Variants in CDT1 observed in about 807,000 individuals in gnomAD.
CDT1 encodes DNA replication factor Cdt1.
CDT1 carries 66 observed loss-of-function variants against 49.3 expected under a neutral mutation model. That is an observed-to-expected ratio of 1.34 (90% CI 1.10 to 1.64). The LOEUF is 1.64. Among genes scored for constraint, CDT1 ranks in the 40% most tolerant of loss-of-function variants. The probability of loss-of-function intolerance (pLI) is 0.00; values close to 1 mark genes in which losing one functional copy is unlikely to be tolerated. For synonymous variants in CDT1, 424 were observed against 347.4 expected, an observed-to-expected ratio of 1.22 and a Z score of -2.45; for missense variants, 958 against 807.7, an observed-to-expected ratio of 1.19 and a Z score of -2.26.
At chr16:88,805,312 G>A (rs1429908231) in intron 3 of CDT1, 128 bp from the exon 4 acceptor site, 2 of 1,120,912 alleles carry the variant, frequency 1.8e-6, no homozygotes, top group Non-Finnish European at 2.6e-6. Context: ...GGGTGTGCAA[G>A]GGCCGCGAAA....
At chr16:88,806,929 G>A in intron 7 of CDT1, 122 bp from the exon 8 acceptor site, 4 of 1,381,824 alleles carry the variant, frequency 2.9e-6, no homozygotes, top group Non-Finnish European at 3.1e-6. Context: ...GCATTGACCG[G>A]CACAGACCAC....
Position 88,808,125 on chromosome 16 carries a change from G to A in CDT1, c.1488G>A (p.Glu496=). Reference sequence around the variant, plus strand: ...CCTCTCCTCCCCCAGGGGAAATGGAGAAGCACCTGCTGCTCCTCTCCGAGC... The same window carrying A: ...CCTCTCCTCCCCCAGGGGAAATGGAAAAGCACCTGCTGCTCCTCTCCGAGC... The part of the protein sequence containing the change: ...CCTIMSPGEM[E]KHLLLLSELL... Residue 496 remains glutamate (E), a synonymous_variant, in exon 10 of 10, where the codon GAG becomes GAA. Transcript: ENST00000301019. The A allele has an allele frequency of 6.2e-7, 1 of 1,612,646 alleles. No homozygotes were observed. The highest frequency in any genetic ancestry group is 1.1e-5 in the South Asian group (1 of 90,980).
In CDT1 at chr16:88,804,564, C is replaced by G. The variant is rs139038990; in HGVS notation, c.248C>G (p.Pro83Arg). The change falls in exon 2 of 10, where the codon CCC (proline) becomes CGC (arginine). Residue 83 changes from proline (P) to arginine (R), a missense_variant. Transcript: ENST00000301019. ...SVDEVSSPST[P>R]EAPDIPACPS... is the part of the protein sequence containing the mutation. The stretch of plus-strand genomic sequence containing the variant: ...CACCAGGTTTCCAGCCCCAGTACCC[C>G]CGAGGCCCCAGACATCCCAGCCTGC... 5.1e-5 allele frequency: 83 copies of G among 1,612,816 alleles called. No homozygotes were observed. In the African/African-American group the frequency reaches 9.9e-4, roughly 19 times the overall value.
At chr16:88,806,940 C>T (rs1908878551) in intron 7 of CDT1, 111 bp from the exon 8 acceptor site, 2 of 1,439,826 alleles carry the variant, frequency 1.4e-6, no homozygotes, top group East Asian at 2.3e-5. Flanking sequence ...CACAGACCAC[C>T]CAGTGTGCTG....
intron 1 of CDT1, 142 bp from the exon 2 acceptor site, chr16:88,804,402 AC>A (rs1255493467): frequency 2.8e-5 from 31 of 1,103,592 alleles, no homozygotes; most frequent in Non-Finnish European, 4.1e-5. Flanking sequence ...CTTAGCACAG[AC>A]CACCATCTAC....
rs78831570 is a variant in CDT1, at chr16:88,808,319, C to T, written c.*41C>T. ...TGGACAGACGTGGGCTTCAGAAGCT[C>T]GCTGGCCTGGGCCCACCAGCATTTT... On this transcript the variant is annotated 3_prime_UTR_variant, in exon 10 of 10. Coordinates refer to ENST00000301019, the MANE Select transcript of CDT1 (RefSeq NM_030928.4). The T allele has an allele frequency of 2.2e-5, 34 of 1,544,588 alleles. No homozygotes were observed. The highest frequency in any genetic ancestry group is 1.6e-4 in the African/African-American group (12 of 73,396).
At chr16:88,804,471 T>C in intron 1 of CDT1, 74 bp from the exon 2 acceptor site, 1 of 1,561,338 alleles carries the variant, frequency 6.4e-7, no homozygotes, top group Non-Finnish European at 8.7e-7. Context: ...CGGCTTCTGA[T>C]CCTTCGGGGT....
At chr16:88,807,601 G>A in intron 9 of CDT1, 119 bp downstream of exon 9, 1 of 1,034,544 alleles carries the variant, frequency 9.7e-7, no homozygotes, top group South Asian at 1.5e-5. Flanking sequence ...GATGTGCAGT[G>A]GGCGCTGGCC....
rs202184202 is a variant in CDT1, at chr16:88,807,035, C to T, written c.1123-16C>T. 9 of 1,612,822 alleles carry T rather than the reference C, an allele frequency of 5.6e-6. No homozygotes were observed. The highest frequency in any genetic ancestry group is 7.6e-6 in the Non-Finnish European group (9 of 1,179,930). ...GCATCTTGTGACCTCTCCAGTCCAA[C>T]CTGTCCCTCCCGCAGATGGAGAAGG... On this transcript the variant is annotated splice_polypyrimidine_tract_variant and intron_variant, in intron 7 of 9. Transcript: ENST00000301019.
chr16:88,806,510 G>T lies in CDT1; in HGVS notation c.958G>T (p.Ala320Ser), dbSNP rs139116876. Residue 320 changes from alanine (A) to serine (S), a missense_variant, in exon 7 of 10, where the codon GCC (alanine) becomes TCC (serine). Ala to Ser is a moderately conservative substitution (Grantham distance 99). Transcript: ENST00000301019. ...GGCCTTCCTGGCCTCCCTGAGCCCC[G>T]CCATGGTGGTGCCGGAGGACCAGCT... ...HKAFLASLSPAMVVPEDQLTR... is the reference protein window; with the variant it reads ...HKAFLASLSPSMVVPEDQLTR... 1.8e-5 allele frequency: 29 copies of T among 1,610,696 alleles called. No individual in the cohort carries two copies. Among genetic ancestry groups the T allele is most frequent in the Middle Eastern group, 1.6e-4 (1 of 6,082 alleles).
rs771214642 is a variant in CDT1 at position 88,805,717 on chromosome 16, C to T, written c.687-7C>T. On this transcript the variant is annotated splice_region_variant and splice_polypyrimidine_tract_variant and intron_variant, in intron 4 of 9. Transcript: ENST00000301019. ...CTGCCTCCTGAGCCGCCCCCATCCT[C>T]CCATAGGCGTTTTGAGGAGTGCAAT... is the stretch of plus-strand genomic sequence containing the variant. The T allele has an allele frequency of 7.4e-6, 12 of 1,612,790 alleles. No individual in the cohort carries two copies. The East Asian group carries it at 2.7e-4, about 36-fold the overall frequency.
chr16:88,807,502 A>C lies in CDT1; in HGVS notation c.1477+20A>C. On this transcript the variant is annotated intron_variant, in intron 9 of 9. Coordinates refer to ENST00000301019, the MANE Select transcript of CDT1 (RefSeq NM_030928.4). ...GCCCTGGTACGTGCAGGGCGGGGTG[A>C]AGGGGCGTGCAGGGTGGAATTGCCT... The C allele has an allele frequency of 6.2e-7, 1 of 1,608,920 alleles. No homozygotes were observed. Among genetic ancestry groups the C allele is most frequent in the African/African-American group, 1.3e-5 (1 of 74,940 alleles).
At chr16:88,805,360 C>G in intron 3 of CDT1, 80 bp from the exon 4 acceptor site, 2 of 1,528,606 alleles carry the variant, frequency 1.3e-6, no homozygotes, top group South Asian at 1.1e-5. Flanking sequence ...ATCGGAGGGT[C>G]TCCCTGGCCG....
In CDT1 at chr16:88,808,223, T is replaced by C; in HGVS notation, c.1586T>C (p.Leu529Pro). The change falls in exon 10 of 10, where the codon CTC becomes CCC. Residue 529 changes from leucine to proline, a missense_variant. Physicochemically the swap from Leu to Pro is moderately conservative, Grantham distance 98 (BLOSUM62 -3). Transcript: ENST00000301019. ...TYVKLDKAAD[L>P]AHITARLAHQ... ...GTCAAGCTGGACAAGGCCGCGGACC[T>C]CGCCCACATCACTGCACGCCTGGCC... The C allele has an allele frequency of 6.2e-7, 1 of 1,609,864 alleles. No individual in the cohort carries two copies. The highest frequency in any genetic ancestry group is 1.1e-5 in the South Asian group (1 of 90,452).
chr16:88,808,384 G>T lies in CDT1; in HGVS notation c.*106G>T. On this transcript the variant is annotated 3_prime_UTR_variant, in exon 10 of 10. Coordinates refer to ENST00000301019, the MANE Select transcript of CDT1 (RefSeq NM_030928.4). ...ATACACTTTGGCCTTCCTTTCCCCA[G>T]CGCCCCTGAGGGCCAGAGGCAGATG... 1 of 1,329,670 alleles carries T rather than the reference G, an allele frequency of 7.5e-7. No homozygotes were observed. The highest frequency in any genetic ancestry group is 1.0e-6 in the Non-Finnish European group (1 of 978,638). 82.4% of individuals were successfully genotyped at this position (1,329,670 alleles called of 1,614,324 possible).
At position 88,808,147 on chromosome 16, in the gene CDT1, G is replaced by C. The variant is rs548414653; in HGVS notation, c.1510G>C (p.Glu504Gln). ...EMEKHLLLLS[E>Q]LLPDWLSLHR... is the part of the protein sequence containing the mutation. ...GGAGAAGCACCTGCTGCTCCTCTCC[G>C]AGCTGCTGCCGGACTGGCTCAGCCT... is the stretch of plus-strand genomic sequence containing the variant. The change falls in exon 10 of 10, where the codon GAG becomes CAG. Residue 504 changes from glutamate to glutamine, a missense_variant. Transcript: ENST00000301019. The C allele has an allele frequency of 1.9e-5, 31 of 1,612,748 alleles. 1 individual carries two copies. The South Asian group carries it at 3.2e-4, about 17-fold the overall frequency.
intron 7 of CDT1, 129 bp downstream of exon 7, chr16:88,806,803 C>G (rs981796156): frequency 7.7e-7 from 1 of 1,297,572 alleles, no homozygotes; most frequent in Non-Finnish European, 1.1e-6. Context: ...GCTGGCGGAT[C>G]CAGAGAGTTG....
chr16:88,804,695 G>C (rs781650640), intron 2 of CDT1, 28 bp downstream of exon 2: 1 of 1,612,232 alleles, frequency 6.2e-7, no homozygotes, highest in South Asian at 1.1e-5. Flanking sequence ...GGGCAGATGC[G>C]GGAGGGCTGA....
At position 88,805,880 on chromosome 16, in the gene CDT1, G is replaced by C. The variant is rs755248905; in HGVS notation, c.832+11G>C. On this transcript the variant is annotated intron_variant, in intron 5 of 9. Transcript: ENST00000301019. ...CACTGCTGGAGCAGGGTGAGTGCTG[G>C]GTGCGGGACCTCGGTTTCCCCATCT... is the stretch of plus-strand genomic sequence containing the variant. The C allele has an allele frequency of 6.2e-7, 1 of 1,612,516 alleles. No homozygotes were observed. The highest frequency in any genetic ancestry group is 8.5e-7 in the Non-Finnish European group (1 of 1,179,848).
Sources: allele counts gnomAD v4.1 joint callset, GRCh38; gene constraint gnomAD v4.1.1; transcripts MANE v1.5; gene names NCBI Gene and HGNC (gene_info 2026-07-23, HGNC 2026-07-21).